The following SNAP47 variants were observed in gnomAD, a reference collection of about 807,000 sequenced individuals.
The protein encoded by SNAP47 is synaptosomal-associated protein 47.
Under a neutral mutation model 31.4 loss-of-function variants are expected in SNAP47, and 20 were observed. That is an observed-to-expected ratio of 0.64 (90% CI 0.45 to 0.93). SNAP47 has a LOEUF of 0.93. SNAP47 is among the 40% of genes least tolerant of loss of function. The pLI, the probability that SNAP47 is intolerant of heterozygous loss-of-function variation, is 0.00. For missense variants in SNAP47, 492 were observed against 528.5 expected (o/e 0.93, Z 0.68); for synonymous variants, 194 against 213.4 (o/e 0.91, Z 0.79).
Position 227,747,723 on chromosome 1 carries a change from A to C in SNAP47, c.-14A>C. The C allele has an allele frequency of 6.2e-7, 1 of 1,608,824 alleles. No individual in the cohort carries two copies. The stretch of plus-strand genomic sequence containing the variant: ...AAGAGGCCTGGACCTTGGCGCACAC[A>C]GACCCAGGAACAGATGAGCAGGGAT... On this transcript the variant is annotated 5_prime_UTR_variant, in exon 2 of 5. Coordinates refer to ENST00000617596, the MANE Select transcript of SNAP47 (RefSeq NM_053052.4).
rs139298615 is a variant in SNAP47, at chr1:227,770,229, A to G, written c.1113+3146A>G. Among the ~76,000 whole-genome samples, 8 of 152,364 alleles carry G rather than the reference A, an allele frequency of 5.3e-5. No homozygotes were observed. In the East Asian group the frequency reaches 1.5e-3, roughly 29 times the overall value. ...AAACACACATGGTAACAGGAAAGCC[A>G]TGCAACTCATTCCATTCAGAGTCAA... On this transcript the variant is annotated intron_variant, in intron 4 of 4. Coordinates refer to ENST00000617596, the MANE Select transcript of SNAP47 (RefSeq NM_053052.4).
chr1:227,732,825 C>A, upstream of SNAP47: 9 of 1,605,052 alleles, frequency 5.6e-6, no homozygotes, highest in Non-Finnish European at 7.6e-6. Flanking sequence ...GGAGTCTGAG[C>A]CATGCAGCCT....
chr1:227,767,367 CGT>C (rs149951083), intron 4 of SNAP47, among the ~76,000 whole-genome samples: 12 of 152,048 alleles, frequency 7.9e-5, no homozygotes, highest in African/African-American at 2.2e-4. Context: ...TGTACATGTC[CGT>C]GTGTGTGTGT....
chr1:227,766,443 C>A (rs915712086), intron 3 of SNAP47, among the ~76,000 whole-genome samples: 8 of 152,222 alleles, frequency 5.3e-5, no homozygotes, highest in Non-Finnish European at 1.2e-4. Flanking sequence ...TGAGGCTCAC[C>A]ACAGGGTGGA....
chr1:227,728,245 T>C (rs373098833), upstream of SNAP47, among the ~76,000 whole-genome samples: 202 of 152,244 alleles, frequency 1.3e-3, 3 homozygotes, highest in South Asian at 0.028. Flanking sequence ...ACCTGCAGGG[T>C]TCGCTGGACC....
chr1:227,748,150 G>A lies in SNAP47; in HGVS notation c.414G>A (p.Arg138=). 6.2e-7 allele frequency: 1 copy of A among 1,613,690 alleles called. No homozygotes were observed. The highest frequency in any genetic ancestry group is 8.5e-7 in the Non-Finnish European group (1 of 1,179,914). The change falls in exon 2 of 5, where the codon AGG becomes AGA. Residue 138 remains arginine (R), a synonymous_variant. Coordinates refer to ENST00000617596, the MANE Select transcript of SNAP47 (RefSeq NM_053052.4). The part of the protein sequence containing the change: ...GSQKRLEDTA[R]VLHHQGQQLD... The stretch of plus-strand genomic sequence containing the variant: ...AGAAACGCCTGGAGGACACGGCGAG[G>A]GTCCTGCACCACCAGGGCCAGCAGC...
At chr1:227,760,511 G>T (rs1662993743) in intron 3 of SNAP47, among the ~76,000 whole-genome samples, 1 of 152,158 alleles carries the variant, frequency 6.6e-6, no homozygotes, top group South Asian at 2.1e-4. Context: ...CTGTCCTGGG[G>T]GCCGGGCTGA....
upstream of SNAP47, chr1:227,732,247 C>T (rs1422376272): frequency 4.3e-6 from 4 of 939,118 alleles, no homozygotes; most frequent in Non-Finnish European, 6.5e-6. Flanking sequence ...AAACAGGCAC[C>T]CAGGCAGTGG....
At chr1:227,732,778 T>G, upstream of SNAP47, 1 of 1,591,166 alleles carries the variant, frequency 6.3e-7, no homozygotes, top group Non-Finnish European at 8.5e-7. Flanking sequence ...AAGGGACCAT[T>G]AAGACAGAGG....
At chr1:227,731,337 G>A (rs192053971), upstream of SNAP47, 12 of 152,440 alleles carry the variant, frequency 7.9e-5, no homozygotes, top group East Asian at 1.7e-3. Flanking sequence ...AAGTGCCAGC[G>A]GCCCCAGTTG....
In SNAP47 at chr1:227,772,638, A is replaced by G. The variant is rs371891352; in HGVS notation, c.1113+5555A>G. Among the ~76,000 whole-genome samples the G allele has an allele frequency of 7.9e-5, 12 of 151,954 alleles. No individual in the cohort carries two copies. In the South Asian group the frequency reaches 2.5e-3, roughly 32 times the overall value. On this transcript the variant is annotated intron_variant, in intron 4 of 4. Transcript: ENST00000617596. ...TTATTATCAAGGGAAATGCTCTAAG[A>G]CCCCTAGATCATAAAGCTTTACCCC...
chr1:227,733,794 TG>T, upstream of SNAP47: 1 of 1,582,542 alleles, frequency 6.3e-7, no homozygotes, highest in Non-Finnish European at 8.6e-7. Context: ...TCTCAAGGGA[TG>T]GCACCCACTG....
rs776666118 is a variant in SNAP47, at chr1:227,759,169, C to T, written c.672C>T (p.His224=). The change falls in exon 3 of 5, where the codon CAC becomes CAT. Residue 224 remains histidine (H), a synonymous_variant. Transcript: ENST00000617596. ...TTATTTCCCACAGAACAGAGTCTCA[C>T]GTTAAACCAGGGAGGCTCACCGTCC... is the stretch of plus-strand genomic sequence containing the variant. ...PAVISHRTES[H]VKPGRLTVLV... is the part of the protein sequence containing the mutation. 4.0e-5 allele frequency: 64 copies of T among 1,614,060 alleles called. No homozygotes were observed. Among genetic ancestry groups the T allele is most frequent in the Admixed American group, 3.7e-4 (22 of 59,996 alleles).
chr1:227,776,755 A>G (rs763533415), intron 4 of SNAP47: 16 of 985,450 alleles, frequency 1.6e-5, no homozygotes, highest in Non-Finnish European at 1.9e-5. Flanking sequence ...TTGTCTGCAG[A>G]CCTAGCAGCT....
chr1:227,754,749 G>A (rs1662591289), intron 2 of SNAP47, among the ~76,000 whole-genome samples: 1 of 152,260 alleles, frequency 6.6e-6, no homozygotes, highest in South Asian at 2.1e-4. Context: ...CCTTTGAGGG[G>A]AACACTGAGG....
chr1:227,756,304 T>A (rs930717886), intron 2 of SNAP47, among the ~76,000 whole-genome samples: 4 of 152,234 alleles, frequency 2.6e-5, no homozygotes, highest in African/African-American at 9.6e-5. Flanking sequence ...GCGTCTCTCA[T>A]CTCTTTTGGA....
At chr1:227,734,394 C>A (rs1316666205), upstream of SNAP47, 1 of 384,432 alleles carries the variant, frequency 2.6e-6, no homozygotes, top group Non-Finnish European at 4.5e-6. Flanking sequence ...AGTGGAGACG[C>A]CTTCCTGTAA....
upstream of SNAP47, chr1:227,735,161 G>T (rs775519701): frequency 2.4e-5 from 38 of 1,580,720 alleles, no homozygotes; most frequent in African/African-American, 4.1e-5. Flanking sequence ...GTAGGAGAAG[G>T]CGCCCGGCTC....
upstream of SNAP47, chr1:227,732,132 A>G (rs993556344): frequency 3.5e-6 from 2 of 564,844 alleles, no homozygotes; most frequent in African/African-American, 3.8e-5. Flanking sequence ...AGGGCCCCCA[A>G]AAGAGCCAGG....
Sources: gnomAD v4.1 joint callset for allele counts (sites outside exome capture counted in the v4.1 genomes callset) on GRCh38, gnomAD v4.1.1 for gene constraint, MANE v1.5 for transcripts, NCBI Gene and HGNC (gene_info 2026-07-23, HGNC 2026-07-21) for gene names.